The following HERC3 variants were observed in gnomAD, a reference collection of about 807,000 sequenced individuals.
HERC3 encodes probable E3 ubiquitin-protein ligase HERC3.
A neutral mutation model predicts 129.9 loss-of-function variants in HERC3; 58 were observed. The observed-to-expected ratio is 0.45, with a 90% CI of 0.36 to 0.56. The LOEUF (loss-of-function observed/expected upper bound fraction) is 0.56, where lower values mean the gene tolerates loss of function less well. Among genes scored for constraint, HERC3 ranks in the 20% least tolerant of loss-of-function variants. The pLI is 0.00. For missense variants in HERC3, 835 were observed against 1,244.2 expected, an observed-to-expected ratio of 0.67 and a Z score of 4.95; for synonymous variants, 430 against 451.0, an observed-to-expected ratio of 0.95 and a Z score of 0.59.
At chr4:88,691,545 A>G (rs1734076910) in intron 23 of HERC3, among the ~76,000 whole-genome samples, 1 of 152,198 alleles carries the variant, frequency 6.6e-6, no homozygotes, top group African/African-American at 2.4e-5. Context: ...CAGCGTTGGG[A>G]AGCAAGCTCT....
At chr4:88,614,128 G>C (rs187168974) in intron 3 of HERC3, among the ~76,000 whole-genome samples, 20 of 152,276 alleles carry the variant, frequency 1.3e-4, no homozygotes, top group Non-Finnish European at 1.9e-4. Context: ...CGTGAAACAA[G>C]AATTTTAGTT....
intron 2 of HERC3, among the ~76,000 whole-genome samples, chr4:88,597,365 A>T (rs971090379): frequency 3.3e-5 from 5 of 152,246 alleles, no homozygotes; most frequent in African/African-American, 1.2e-4. Flanking sequence ...CCAAGTTTCC[A>T]GATTTTACTC....
intron 1 of HERC3, among the ~76,000 whole-genome samples, chr4:88,592,795 A>G (rs1721852583): frequency 6.6e-6 from 1 of 151,474 alleles, no homozygotes; most frequent in African/African-American, 2.4e-5. Context: ...TACCCTGCGT[A>G]CGCCTCCCTG....
intron 3 of HERC3, among the ~76,000 whole-genome samples, chr4:88,646,137 C>T (rs1488032479): frequency 6.6e-6 from 1 of 152,152 alleles, no homozygotes; most frequent in Non-Finnish European, 1.5e-5. Context: ...AAATTACATC[C>T]TCTTTCTGAG....
chr4:88,655,239 T>G lies in HERC3; in HGVS notation c.843T>G (p.Asp281Glu). 1 of 1,613,972 alleles carries G rather than the reference T, an allele frequency of 6.2e-7. No individual in the cohort carries two copies. The change falls in exon 8 of 26, where the codon GAT becomes GAG. Residue 281 changes from aspartate to glutamate, a missense_variant. Transcript: ENST00000402738. Reference protein sequence around the residue: ...CGQLGHDSMNDEVNPRRVLEL... With the variant: ...CGQLGHDSMNEEVNPRRVLEL... ...AACTTGGACACGACTCCATGAATGA[T>G]GAGGTTAACCCTAGAAGAGTTCTAG...
the HERC3 span, among the ~76,000 whole-genome samples, chr4:88,541,804 G>A: frequency 3.9e-5 from 6 of 152,198 alleles, no homozygotes; most frequent in East Asian, 3.9e-4. Context: ...ACTTAAAACC[G>A]CACAACTACA....
At chr4:88,701,092 ATTG>A (rs1226803180) in intron 23 of HERC3, among the ~76,000 whole-genome samples, 3 of 152,198 alleles carry the variant, frequency 2.0e-5, no homozygotes, top group African/African-American at 7.2e-5. Context: ...TGTAATAAAA[ATTG>A]TTGTGATGGT....
intron 23 of HERC3, chr4:88,692,971 A>T: frequency 1.0e-6 from 1 of 982,752 alleles, no homozygotes; most frequent in Non-Finnish European, 1.2e-6. Flanking sequence ...TCAAAAAGCA[A>T]AATTGTAATA....
chr4:88,550,712 A>T, the HERC3 span, among the ~76,000 whole-genome samples: 9 of 149,852 alleles, frequency 6.0e-5, no homozygotes, highest in Admixed American at 5.3e-4. Context: ...ATACTGCCCA[A>T]GGTAATTTAT....
At chr4:88,592,915 G>A (rs1217992675) in intron 1 of HERC3, among the ~76,000 whole-genome samples, 5 of 151,960 alleles carry the variant, frequency 3.3e-5, no homozygotes, top group African/African-American at 1.2e-4. Flanking sequence ...CTCCCGCCCT[G>A]CCGCCCGGGA....
intron 6 of HERC3, 51 bp from the exon 7 acceptor site, chr4:88,653,989 ATT>A: frequency 7.6e-7 from 1 of 1,313,064 alleles, no homozygotes; most frequent in Non-Finnish European, 1.1e-6. Context: ...AGTTGTGTAT[ATT>A]TCATCTCAAA....
At chr4:88,592,286 T>A (rs1721764145), upstream of HERC3, 1 of 152,310 alleles carries the variant, frequency 6.6e-6, no homozygotes, top group Non-Finnish European at 1.5e-5. Context: ...TCCTGTCACC[T>A]CGGGCAGCCT....
chr4:88,584,627 T>C, the HERC3 span, among the ~76,000 whole-genome samples: 1 of 152,236 alleles, frequency 6.6e-6, no homozygotes, highest in African/African-American at 2.4e-5. Flanking sequence ...AGTTTGTGCC[T>C]CTTTGCTTTT....
chr4:88,663,451 G>C (rs1181324005), intron 11 of HERC3, among the ~76,000 whole-genome samples: 2 of 152,070 alleles, frequency 1.3e-5, no homozygotes, highest in Non-Finnish European at 1.5e-5. Flanking sequence ...TTAGTTCTCT[G>C]TTTTCTTATT....
At chr4:88,585,335 G>T in the HERC3 span, among the ~76,000 whole-genome samples, 1 of 152,220 alleles carries the variant, frequency 6.6e-6, no homozygotes, top group Non-Finnish European at 1.5e-5. Flanking sequence ...CTTGTAGTTG[G>T]TTAGTAGGTG....
At chr4:88,689,156 A>G (rs1387585560) in intron 23 of HERC3, among the ~76,000 whole-genome samples, 2 of 152,140 alleles carry the variant, frequency 1.3e-5, no homozygotes, top group African/African-American at 4.8e-5. Context: ...GATCCTATTA[A>G]ATTCACTCTA....
At position 88,654,119 on chromosome 4, in the gene HERC3, GCAGTT is replaced by G. The variant is rs1729585627; in HGVS notation, c.765_769del (p.Val256HisfsTer24). The G allele has an allele frequency of 4.3e-6, 7 of 1,612,134 alleles. No homozygotes were observed. The highest frequency in any genetic ancestry group is 5.9e-6 in the Non-Finnish European group (7 of 1,178,578). ...TATTAGTTGTGGAGAAGAACACACA[GCAGTT>G]CTCACAAAGGTAAGGAGCTCAGAGT... On this transcript the variant is annotated frameshift_variant, in exon 7 of 26. Transcript: ENST00000402738. LOFTEE classifies it high-confidence loss of function.
chr4:88,639,898 C>A (rs532312835), intron 3 of HERC3, among the ~76,000 whole-genome samples: 23 of 151,730 alleles, frequency 1.5e-4, no homozygotes, highest in Admixed American at 3.9e-4. Context: ...AAAAAAAAAA[C>A]CCCTTCATAA....
intron 11 of HERC3, 81 bp downstream of exon 11, chr4:88,662,636 A>G (rs1372550085): frequency 5.8e-6 from 8 of 1,378,784 alleles, no homozygotes; most frequent in East Asian, 2.3e-5. Flanking sequence ...CCGTACTTGC[A>G]TATTGATACT....
Sources: gnomAD v4.1 joint callset for allele counts (sites outside exome capture counted in the v4.1 genomes callset) on GRCh38, gnomAD v4.1.1 for gene constraint, MANE v1.5 for transcripts, NCBI Gene and HGNC (gene_info 2026-07-23, HGNC 2026-07-21) for gene names.